RASGEF1C: variants seen among roughly 807,000 people sequenced by gnomAD.
The protein encoded by RASGEF1C is RasGEF domain family member 1C, also known as ras-GEF domain-containing family member 1C.
In RASGEF1C, 27 loss-of-function variants were observed where a neutral mutation model predicts 58.1. That is an observed-to-expected ratio of 0.46 (90% confidence interval 0.34 to 0.64). The LOEUF is 0.64. Among genes scored for constraint, RASGEF1C ranks in the 30% least tolerant of loss-of-function variants. The pLI, the probability that RASGEF1C is intolerant of heterozygous loss-of-function variation, is 0.01. For missense variants in RASGEF1C, 502 were observed against 605.1 expected (o/e 0.83, Z 1.79); for synonymous variants, 243 against 246.3 (o/e 0.99, Z 0.13).
intron 1 of RASGEF1C, among the ~76,000 whole-genome samples, chr5:180,173,721 T>C (rs565154265): frequency 5.9e-5 from 9 of 152,084 alleles, no homozygotes; most frequent in South Asian, 4.2e-4. Context: ...GAGACCAGCC[T>C]GGCCAACATG....
At chr5:180,119,849 CTGTCCCTCG>C (rs1766137493) in intron 7 of RASGEF1C, among the ~76,000 whole-genome samples, 1 of 152,224 alleles carries the variant, frequency 6.6e-6, no homozygotes, top group Non-Finnish European at 1.5e-5. Flanking sequence ...GCCCTGAGGC[CTGTCCCTCG>C]AGCAGCCCCT....
intron 1 of RASGEF1C, among the ~76,000 whole-genome samples, chr5:180,142,608 G>A (rs1315691201): frequency 2.6e-5 from 4 of 152,106 alleles, no homozygotes; most frequent in Non-Finnish European, 4.4e-5. Flanking sequence ...ACGCACTGGC[G>A]GAGTGGCTGT....
chr5:180,126,183 A>G (rs938953226), intron 6 of RASGEF1C, among the ~76,000 whole-genome samples: 11 of 152,196 alleles, frequency 7.2e-5, no homozygotes, highest in Non-Finnish European at 1.5e-4. Flanking sequence ...CGAGGCGGGC[A>G]GATCACAAGG....
At chr5:180,152,126 G>A (rs1766754792) in intron 1 of RASGEF1C, among the ~76,000 whole-genome samples, 1 of 152,006 alleles carries the variant, frequency 6.6e-6, no homozygotes, top group African/African-American at 2.4e-5. Flanking sequence ...TGGTGGGACT[G>A]TAAACTAGTT....
chr5:180,165,354 C>CT (rs1236817077), intron 1 of RASGEF1C, among the ~76,000 whole-genome samples: 5 of 151,998 alleles, frequency 3.3e-5, no homozygotes, highest in African/African-American at 1.2e-4. Flanking sequence ...CAATGATTTT[C>CT]TTTTTTCTTT....
chr5:180,108,001 T>C lies in RASGEF1C; in HGVS notation c.1303+3456A>G, dbSNP rs576035087. 2.0e-5 allele frequency among the ~76,000 whole-genome samples: 3 copies of C among 152,280 alleles called. No homozygotes were observed. In the East Asian group the frequency reaches 5.8e-4, roughly 29 times the overall value. On this transcript the variant is annotated intron_variant, in intron 12 of 13. Transcript: ENST00000361132. ...GGTAGGGGTTTCTTTAGTTTTTCCT[T>C]TTGGGGATCATTCAGCTTCTTGAAT...
At chr5:180,144,647 A>G (rs1182394286) in intron 1 of RASGEF1C, among the ~76,000 whole-genome samples, 1 of 152,146 alleles carries the variant, frequency 6.6e-6, no homozygotes. Flanking sequence ...TCTACCAAAA[A>G]AATAAAAATT....
chr5:180,116,332 G>T (rs1766067148), intron 10 of RASGEF1C, among the ~76,000 whole-genome samples: 1 of 152,072 alleles, frequency 6.6e-6, no homozygotes, highest in South Asian at 2.1e-4. Flanking sequence ...GCCGCCCACA[G>T]ACAGGAAGGA....
chr5:180,121,382 C>G (rs974181278), intron 6 of RASGEF1C, among the ~76,000 whole-genome samples: 3 of 151,368 alleles, frequency 2.0e-5, no homozygotes, highest in African/African-American at 7.3e-5. Flanking sequence ...GGCGCGATCT[C>G]GGCTCACTGC....
At chr5:180,144,819 C>T (rs373921484) in intron 1 of RASGEF1C, among the ~76,000 whole-genome samples, 1 of 152,200 alleles carries the variant, frequency 6.6e-6, no homozygotes, top group African/African-American at 2.4e-5. Flanking sequence ...CTCCTCCTCT[C>T]CTTCCCCAGC....
chr5:180,207,064 A>G (rs1756501603), intron 1 of RASGEF1C, among the ~76,000 whole-genome samples: 1 of 152,218 alleles, frequency 6.6e-6, no homozygotes, highest in Non-Finnish European at 1.5e-5. Flanking sequence ...CTAAAGGAAA[A>G]AAAGCTCCAA....
Position 180,168,450 on chromosome 5 carries a change from A to T in RASGEF1C, c.-6-30392T>A, listed in dbSNP as rs2113307505. On this transcript the variant is annotated intron_variant, in intron 1 of 13. Coordinates refer to ENST00000361132, the MANE Select transcript of RASGEF1C (RefSeq NM_175062.4). The surrounding 1 kb of genome is among the most constrained non-coding windows in gnomAD (Gnocchi z 6.0). ...CTCCATCTCAAAATAAATAAACAAA[A>T]AAAACAACAACCAAAAAACTCCAGG... Among the ~76,000 whole-genome samples the T allele has an allele frequency of 6.6e-6, 1 of 152,260 alleles. No homozygotes were observed. Among genetic ancestry groups the T allele is most frequent in the Non-Finnish European group, 1.5e-5 (1 of 68,004 alleles).
intron 1 of RASGEF1C, among the ~76,000 whole-genome samples, chr5:180,149,088 C>CTTTTTTTTTTTTTTT (rs61204210): frequency 1.1e-4 from 12 of 110,168 alleles, no homozygotes; most frequent in African/African-American, 3.4e-4. Context: ...CTTTTTTTTT[C>CTTTTTTTTTTTTTTT]TTTTTTTTTT....
intron 1 of RASGEF1C, among the ~76,000 whole-genome samples, chr5:180,166,106 A>G (rs1199738401): frequency 6.6e-6 from 1 of 152,048 alleles, no homozygotes; most frequent in African/African-American, 2.4e-5. Context: ...ATTACAGCAT[A>G]TATATATATT....
intron 11 of RASGEF1C, among the ~76,000 whole-genome samples, chr5:180,114,155 C>T (rs1014951982): frequency 2.6e-5 from 4 of 152,200 alleles, no homozygotes; most frequent in East Asian, 1.9e-4. Flanking sequence ...TGTGGGCCCA[C>T]GGAGCTGCCT....
intron 1 of RASGEF1C, among the ~76,000 whole-genome samples, chr5:180,144,885 A>G (rs915336592): frequency 2.6e-5 from 4 of 152,142 alleles, no homozygotes; most frequent in Admixed American, 6.5e-5. Context: ...GGTACCTTAT[A>G]TAAGTGGAAT....
chr5:180,106,059 G>A (rs2071898287), intron 12 of RASGEF1C, among the ~76,000 whole-genome samples: 1 of 152,164 alleles, frequency 6.6e-6, no homozygotes, highest in Non-Finnish European at 1.5e-5. Flanking sequence ...ACACTACTCA[G>A]AATGGTGCAC....
intron 10 of RASGEF1C, 112 bp from the exon 11 acceptor site, chr5:180,114,653 C>T: frequency 1.0e-6 from 1 of 1,002,902 alleles, no homozygotes; most frequent in East Asian, 3.0e-5. Context: ...AGACCCGACC[C>T]CAGGGTGCAG....
intron 6 of RASGEF1C, among the ~76,000 whole-genome samples, chr5:180,124,195 G>A (rs1335363776): frequency 2.0e-5 from 3 of 150,760 alleles, no homozygotes; most frequent in African/African-American, 7.3e-5. Flanking sequence ...TAGCGCCACT[G>A]CACTCCAGCC....
Sources: gnomAD v4.1 joint callset for allele counts (sites outside exome capture counted in the v4.1 genomes callset) on GRCh38, gnomAD v4.1.1 for gene constraint, Gnocchi (gnomAD v3.1) non-coding constraint, MANE v1.5 for transcripts, NCBI Gene and HGNC (gene_info 2026-07-23, HGNC 2026-07-21) for gene names.